Variants in TTN observed in about 807,000 individuals in gnomAD.
TTN encodes the protein titin, also known as connectin.
TTN carries 1,525 observed loss-of-function variants against 3,223.0 expected under a neutral mutation model. The ratio of observed to expected loss-of-function variants is 0.47; its 90% CI spans 0.45 to 0.49. The LOEUF (loss-of-function observed/expected upper bound fraction) is 0.49. TTN is among the 20% of genes least tolerant of loss of function. The pLI is 0.00. For missense variants in TTN, 40,786 were observed against 43,424.0 expected (o/e 0.94, Z 5.40); for synonymous variants, 14,094 against 15,161.0 (o/e 0.93, Z 5.17).
intron 15 of TTN, among the ~76,000 whole-genome samples, chr2:178,785,298 C>G (rs1376963317): frequency 6.6e-6 from 1 of 152,150 alleles, no homozygotes; most frequent in Non-Finnish European, 1.5e-5. Context: ...AACACACTAC[C>G]TTTCACAAAA....
chr2:178,527,720 T>C lies in TTN; in HGVS notation c.107406A>G (p.Val35802=), dbSNP rs1313489849. 6.2e-7 allele frequency: 1 copy of C among 1,607,908 alleles called. No homozygotes were observed. ...TTGTGTCACCACTTGTTCTCAATAC[T>C]ACCTCTCTGGAAGGTTCTTCAACTA... ...LPLVEEPSRE[V]VLRTSGDTSL... Residue 35802 remains valine, a synonymous_variant, in exon 362 of 363, where the codon GTA becomes GTG. Coordinates refer to ENST00000589042, the MANE Select transcript of TTN (RefSeq NM_001267550.2).
At position 178,555,152 on chromosome 2, in the gene TTN, C is replaced by A; in HGVS notation, c.88307G>T (p.Gly29436Val). Residue 29436 changes from glycine (G) to valine (V), a missense_variant and splice_region_variant, in exon 331 of 363, where the codon GGT becomes GTT. Coordinates refer to ENST00000589042, the MANE Select transcript of TTN (RefSeq NM_001267550.2). ...TAGAGGCAAATCAATTACAGGACCA[C>A]CTGCAAGAAAAACAGATGAGAAATA... ...VGPITCIDSY[G>V]GPVIDLPLEY... 6.3e-7 allele frequency: 1 copy of A among 1,597,840 alleles called. No homozygotes were observed. The highest frequency in any genetic ancestry group is 1.4e-5 in the African/African-American group (1 of 73,796).
rs773070815 is a variant in TTN, at chr2:178,571,953, C to T, written c.74179G>A (p.Val24727Ile). The change falls in exon 326 of 363, where the codon GTA (valine) becomes ATA (isoleucine). Residue 24727 changes from valine (V) to isoleucine (I), a missense_variant. Val to Ile is a conservative substitution (Grantham distance 29). Transcript: ENST00000589042. ...AFKLLFNTFTVLAGEDLKVDV... is the reference protein window; with the variant it reads ...AFKLLFNTFTILAGEDLKVDV... ...ACTTTTAGGTCTTCACCTGCCAGTA[C>T]AGTGAAAGTATTGAACAGGAGTTTG... is the stretch of plus-strand genomic sequence containing the variant. The T allele has an allele frequency of 6.2e-7, 1 of 1,613,302 alleles. No individual in the cohort carries two copies. Among genetic ancestry groups the T allele is most frequent in the Non-Finnish European group, 8.5e-7 (1 of 1,179,588 alleles).
intron 213 of TTN, among the ~76,000 whole-genome samples, chr2:178,648,689 C>T (rs1323757319): frequency 3.3e-5 from 5 of 152,256 alleles, no homozygotes; most frequent in Admixed American, 2.0e-4. Context: ...GGATGACAGG[C>T]GTGAGCCACC....
chr2:178,545,977 G>C lies in TTN; in HGVS notation c.95259C>G (p.Leu31753=). 6.2e-7 allele frequency: 1 copy of C among 1,613,812 alleles called. No homozygotes were observed. The highest frequency in any genetic ancestry group is 2.2e-5 in the East Asian group (1 of 44,846). Residue 31753 remains leucine, a synonymous_variant, in exon 343 of 363, where the codon CTC becomes CTG. Coordinates refer to ENST00000589042, the MANE Select transcript of TTN (RefSeq NM_001267550.2). The part of the protein sequence containing the change: ...YIVERRETSR[L]NWVIVEGECP... ...ATTCGCCTTCAACAATCACCCAGTT[G>C]AGCCTGCTAGTCTCGCGTCTTTCCA...
Position 178,715,521 on chromosome 2 carries a change from G to A in TTN, c.25893C>T (p.Ala8631=), listed in dbSNP as rs761767317. The A allele has an allele frequency of 6.2e-7, 1 of 1,612,562 alleles. No individual in the cohort carries two copies. Among genetic ancestry groups the A allele is most frequent in the East Asian group, 2.2e-5 (1 of 44,842 alleles). Residue 8631 remains alanine (A), a synonymous_variant, in exon 89 of 363, where the codon GCC becomes GCT. Transcript: ENST00000589042. ...TAACTTTTAAGGATGTGCTGCTGCT[G>A]GCACTGCCTGCTGCATTGTGGGCCT... ...TCEAHNAAGS[A]SSSTSLKVKE... is the part of the protein sequence containing the mutation.
At position 178,598,762 on chromosome 2, in the gene TTN, G is replaced by A. The variant is rs774502532; in HGVS notation, c.56948C>T (p.Ala18983Val). 1.1e-5 allele frequency: 18 copies of A among 1,612,848 alleles called. No individual in the cohort carries two copies. In the Admixed American group the frequency reaches 1.3e-4, roughly 12 times the overall value. Residue 18983 changes from alanine to valine, a missense_variant, in exon 291 of 363, where the codon GCT (alanine) becomes GTT (valine). Ala to Val is a moderately conservative substitution (Grantham distance 64). Transcript: ENST00000589042. ...TCCAGGCTTACCAATTGGATCTCTA[G>A]CAGTCGCTGGGTCTGATGGCAGACT... is the stretch of plus-strand genomic sequence containing the variant. ...PASLPSDPAT[A>V]RDPIAPPGPP...
At chr2:178,637,181 A>C (rs1236866464) in intron 224 of TTN, among the ~76,000 whole-genome samples, 188 bp downstream of exon 224, 5 of 133,750 alleles carry the variant, frequency 3.7e-5, no homozygotes, top group African/African-American at 1.1e-4. Context: ...ATATATATAT[A>C]TATATATATC....
chr2:178,588,535 T>G lies in TTN; in HGVS notation c.63187+3A>C, dbSNP rs948908180. The G allele has an allele frequency of 6.6e-7, 1 of 1,515,582 alleles. No homozygotes were observed. The highest frequency in any genetic ancestry group is 1.4e-5 in the African/African-American group (1 of 71,598). The allele number at this position is 1,515,582 out of a possible 1,614,324, so 93.9% of individuals were successfully genotyped here. ...AATATCAGAAAAAACAAGGACATCC[T>G]ACCTATGGGGTCTTTTGCCACCACC... On this transcript the variant is annotated splice_donor_region_variant and intron_variant, in intron 304 of 362. Transcript: ENST00000589042.
Position 178,664,477 on chromosome 2 carries a change from T to G in TTN, c.36263A>C (p.Glu12088Ala), listed in dbSNP as rs2065515974. Residue 12088 changes from glutamate (E) to alanine (A), a missense_variant, in exon 168 of 363, where the codon GAA becomes GCA. Coordinates refer to ENST00000589042, the MANE Select transcript of TTN (RefSeq NM_001267550.2). ...GAATGTACCTTTGACAGGTACAACT[T>G]CAGCCCTTTGGGGAGGATGCACTTT... ...EKKVHPPQRA[E>A]VVPVKVHEAP... 3 of 1,612,248 alleles carry G rather than the reference T, an allele frequency of 1.9e-6. No homozygotes were observed. The highest frequency in any genetic ancestry group is 4.5e-5 in the East Asian group (2 of 44,878).
chr2:178,634,606 G>A lies in TTN; in HGVS notation c.42175C>T (p.Pro14059Ser). Residue 14059 changes from proline (P) to serine (S), a missense_variant, in exon 230 of 363, where the codon CCC becomes TCC. Transcript: ENST00000589042. The surrounding 1 kb of genome is among the most constrained non-coding windows in gnomAD (Gnocchi z 4.6). ...VKEIELDFAV[P>S]LKDVTVPERR... ...TCTGGAACAGTGACATCCTTCAGGGGCACAGCAAAGTCAAGTTCGATTTCT... is the reference window on the plus strand; with the variant it reads ...TCTGGAACAGTGACATCCTTCAGGGACACAGCAAAGTCAAGTTCGATTTCT... The A allele has an allele frequency of 1.9e-6, 3 of 1,613,216 alleles. No individual in the cohort carries two copies. The highest frequency in any genetic ancestry group is 2.2e-5 in the South Asian group (2 of 91,034).
At position 178,756,227 on chromosome 2, in the gene TTN, T is replaced by C. The variant is rs775845938; in HGVS notation, c.11249A>G (p.Glu3750Gly). The change falls in exon 46 of 363, where the codon GAA (glutamate) becomes GGA (glycine). Residue 3750 changes from glutamate to glycine, a missense_variant. Transcript: ENST00000589042. ...ATAGCTAAAAATCAATTAACCACCT[T>C]CTACACTTAGTACTGCTGACGTTGT... is the stretch of plus-strand genomic sequence containing the variant. Reference protein sequence around the residue: ...ERTTSAVLSVEGAPESILHER... With the variant: ...ERTTSAVLSVGGAPESILHER... The C allele has an allele frequency of 1.2e-6, 2 of 1,603,182 alleles. No individual in the cohort carries two copies. The highest frequency in any genetic ancestry group is 2.7e-5 in the African/African-American group (2 of 74,696).
intron 240 of TTN, among the ~76,000 whole-genome samples, chr2:178,628,267 A>G (rs56101931): frequency 0.021 from 3,254 of 152,160 alleles, 65 homozygotes; most frequent in East Asian, 0.095. Context: ...ACTTCAGTCA[A>G]TGCTGTGGCT....
At chr2:178,699,383 C>CTTTTTTTTTTTTTTTTTTTT (rs59989386) in intron 111 of TTN, among the ~76,000 whole-genome samples, 1 of 44,912 alleles carries the variant, frequency 2.2e-5, no homozygotes, top group South Asian at 7.5e-4. Context: ...AAATAACACT[C>CTTTTTTTTTTTTTTTTTTTT]TTTTTTTTTT....
Position 178,799,683 on chromosome 2 carries a change from CCAT to C in TTN, c.715_717del (p.Met239del). 1 of 1,614,172 alleles carries C rather than the reference CCAT, an allele frequency of 6.2e-7. No individual in the cohort carries two copies. The highest frequency in any genetic ancestry group is 8.5e-7 in the Non-Finnish European group (1 of 1,180,032). ...TGTTGCCCAGCGGCACCATCTATGA[CCAT>C]CTCAACTGTTGCAATTGATCTGGCA... On this transcript the variant is annotated inframe_deletion, in exon 6 of 363. Transcript: ENST00000589042.
At chr2:178,542,026 C>G in intron 349 of TTN, 1 of 387,466 alleles carries the variant, frequency 2.6e-6, no homozygotes. Context: ...ACTCCCTCCT[C>G]TTCTCTTTCA....
rs1702825954 is a variant in TTN at position 178,559,527 on chromosome 2, G to A, written c.86605C>T (p.Pro28869Ser). The A allele has an allele frequency of 6.2e-7, 1 of 1,613,650 alleles. No individual in the cohort carries two copies. Among genetic ancestry groups the A allele is most frequent in the African/African-American group, 1.3e-5 (1 of 74,900 alleles). The change falls in exon 326 of 363, where the codon CCT becomes TCT. Residue 28869 changes from proline (P) to serine (S), a missense_variant. By Grantham distance (74) the Pro-to-Ser change is moderately conservative. Transcript: ENST00000589042. ...ACTGGTGCTCCACCATCGTTTTCAG[G>A]AACATCCCAGGATAACACTGCAGAC... ...KESAVLSWDV[P>S]ENDGGAPVKN...
Position 178,591,338 on chromosome 2 carries a change from T to C in TTN, c.60387A>G (p.Thr20129=). ...TGGTAAGTACTGATGAGAAGTTGTC[T>C]GTTTCAACTGTGTAGTGCTCATCGG... is the stretch of plus-strand genomic sequence containing the variant. ...IKTDEHYTVE[T]DNFSSVLTIK... is the part of the protein sequence containing the mutation. Residue 20129 remains threonine (T), a synonymous_variant, in exon 304 of 363, where the codon ACA becomes ACG. Coordinates refer to ENST00000589042, the MANE Select transcript of TTN (RefSeq NM_001267550.2). The C allele has an allele frequency of 6.2e-7, 1 of 1,613,412 alleles. No individual in the cohort carries two copies. Among genetic ancestry groups the C allele is most frequent in the Non-Finnish European group, 8.5e-7 (1 of 1,179,514 alleles).
In TTN at chr2:178,559,552, C is replaced by A; in HGVS notation, c.86580G>T (p.Glu28860Asp). 6.2e-7 allele frequency: 1 copy of A among 1,613,814 alleles called. No homozygotes were observed. Among genetic ancestry groups the A allele is most frequent in the Middle Eastern group, 1.7e-4 (1 of 6,056 alleles). The change falls in exon 326 of 363, where the codon GAG (glutamate) becomes GAT (aspartate). Residue 28860 changes from glutamate to aspartate, a missense_variant. Glu to Asp is a conservative substitution (Grantham distance 45). Transcript: ENST00000589042. ...GAACATCCCAGGATAACACTGCAGACTCTTTGGTTACATCTTGCACAGTAA... is the reference window on the plus strand; with the variant it reads ...GAACATCCCAGGATAACACTGCAGAATCTTTGGTTACATCTTGCACAGTAA... ...TNITVQDVTK[E>D]SAVLSWDVPE... is the part of the protein sequence containing the mutation.
Sources: allele counts gnomAD v4.1 joint callset (sites outside exome capture counted in the v4.1 genomes callset), GRCh38; gene constraint gnomAD v4.1.1; non-coding constraint Gnocchi (gnomAD v3.1); transcripts MANE v1.5; gene names NCBI Gene and HGNC (gene_info 2026-07-23, HGNC 2026-07-21).